The following DOP1B variants were observed in gnomAD, a reference collection of about 807,000 sequenced individuals.
DOP1B encodes DOP1 leucine zipper like protein B, also known as protein DOP1B.
DOP1B carries 174 observed loss-of-function variants against 233.5 expected under a neutral mutation model. The ratio of observed to expected loss-of-function variants is 0.75; its 90% confidence interval spans 0.66 to 0.85. The LOEUF (loss-of-function observed/expected upper bound fraction) is 0.85. DOP1B is among the 40% of genes least tolerant of loss of function. DOP1B has a pLI of 0.00. For missense variants in DOP1B, 2,652 were observed against 2,846.6 expected (o/e 0.93, Z 1.56); for synonymous variants, 1,190 against 1,185.6 (o/e 1.00, Z -0.08).
Position 36,162,927 on chromosome 21 carries a change from A to G in DOP1B, c.-26-1781A>G, listed in dbSNP as rs541343409. ...GATGGGAAACAAGCTCTGGTGCTGG[A>G]GGGGCCAGAGGAGTGTGTGGGCCAA... On this transcript the variant is annotated intron_variant, in intron 1 of 36. Transcript: ENST00000691173. Among the ~76,000 whole-genome samples the G allele has an allele frequency of 4.1e-4, 63 of 152,198 alleles. 2 individuals carry two copies. In the South Asian group the frequency reaches 0.013, roughly 32 times the overall value.
intron 12 of DOP1B, among the ~76,000 whole-genome samples, chr21:36,227,435 T>TGCTCGGGAG (rs2066704324): frequency 6.6e-6 from 1 of 151,008 alleles, no homozygotes; most frequent in East Asian, 2.0e-4. Flanking sequence ...TAGTCCCAGC[T>TGCTCGGGAG]GCTCGGGAGG....
At chr21:36,272,161 A>G (rs1208150537) in intron 27 of DOP1B, among the ~76,000 whole-genome samples, 1 of 151,182 alleles carries the variant, frequency 6.6e-6, no homozygotes, top group African/African-American at 2.4e-5. Flanking sequence ...GTAATGTTCA[A>G]ATATTGTTAT....
intron 1 of DOP1B, among the ~76,000 whole-genome samples, chr21:36,163,878 T>A (rs1326763202): frequency 6.6e-6 from 1 of 152,228 alleles, no homozygotes; most frequent in East Asian, 1.9e-4. Flanking sequence ...CTTTCGTGCA[T>A]GTTTCATGAC....
chr21:36,176,097 C>CGTGTGCGTGTGTGTGTGTGTGTGTGTGT (rs375729449), intron 2 of DOP1B, among the ~76,000 whole-genome samples: 1 of 141,742 alleles, frequency 7.1e-6, no homozygotes, highest in African/African-American at 2.6e-5. Flanking sequence ...GGTGTGTGTG[C>CGTGTGCGTGTGTGTGTGTGTGTGTGTGT]GTGTGTGTGT....
At chr21:36,256,238 C>T (rs772301629) in intron 23 of DOP1B, among the ~76,000 whole-genome samples, 8 of 151,978 alleles carry the variant, frequency 5.3e-5, no homozygotes, top group Non-Finnish European at 1.0e-4. Context: ...TCCAGGAGTT[C>T]GAGACCAGCC....
intron 1 of DOP1B, among the ~76,000 whole-genome samples, chr21:36,164,236 T>A (rs2065889754): frequency 6.6e-6 from 1 of 152,114 alleles, no homozygotes; most frequent in Non-Finnish European, 1.5e-5. Context: ...GAAGGAAGGA[T>A]CACTTGAGCT....
intron 14 of DOP1B, 25 bp from the exon 15 acceptor site, chr21:36,232,779 G>A (rs773691395): frequency 6.2e-7 from 1 of 1,611,178 alleles, no homozygotes; most frequent in Admixed American, 1.7e-5. Context: ...GCTTGTTTCT[G>A]CCTCTCCGGC....
Position 36,245,166 on chromosome 21 carries a change from G to C in DOP1B, c.3186G>C (p.Val1062=), listed in dbSNP as rs1394354460. The C allele has an allele frequency of 6.2e-7, 1 of 1,614,044 alleles. No homozygotes were observed. The highest frequency in any genetic ancestry group is 2.2e-5 in the East Asian group (1 of 44,888). The change falls in exon 19 of 37, where the codon GTG becomes GTC. Residue 1062 remains valine, a synonymous_variant. Coordinates refer to ENST00000691173, the MANE Select transcript of DOP1B (RefSeq NM_001320714.2). This position sits in a 1 kb window ranked among gnomAD's most constrained non-coding sequence, Gnocchi z 5.5. The part of the protein sequence containing the change: ...EHLPLSQFTT[V]DREAIWAEVE... ...TGCCTCTGAGCCAGTTCACCACAGT[G>C]GACCGTGAAGCCATTTGGGCCGAAG...
intron 2 of DOP1B, among the ~76,000 whole-genome samples, chr21:36,185,482 A>G (rs1054107481): frequency 6.6e-6 from 1 of 152,142 alleles, no homozygotes; most frequent in Non-Finnish European, 1.5e-5. Context: ...TTTCAAACCT[A>G]GGATCCTCCA....
chr21:36,225,679 G>A lies in DOP1B; in HGVS notation c.1473+12G>A. ...ATGTCATTCCTTTGGTGAGTGCTGG[G>A]GAAGGGACATCTCAACGCCTGCTAT... On this transcript the variant is annotated intron_variant, in intron 12 of 36. Coordinates refer to ENST00000691173, the MANE Select transcript of DOP1B (RefSeq NM_001320714.2). 4 of 1,613,804 alleles carry A rather than the reference G, an allele frequency of 2.5e-6. No homozygotes were observed. Among genetic ancestry groups the A allele is most frequent in the South Asian group, 1.1e-5 (1 of 91,046 alleles).
At position 36,157,225 on chromosome 21, in the gene DOP1B, G is replaced by A. The variant is rs141526940; in HGVS notation, c.-27+282G>A. On this transcript the variant is annotated intron_variant, in intron 1 of 36. Coordinates refer to ENST00000691173, the MANE Select transcript of DOP1B (RefSeq NM_001320714.2). ...CCTAGGGTTACCCGACCCTGGCGCG[G>A]AGGATATGATGCCGGCCACGCCCTC... is the stretch of plus-strand genomic sequence containing the variant. 6.0e-3 allele frequency among the ~76,000 whole-genome samples: 909 copies of A among 152,080 alleles called. 5 individuals are homozygous for A. The highest frequency in any genetic ancestry group is 9.5e-3 in the Non-Finnish European group (644 of 67,922).
Position 36,226,698 on chromosome 21 carries a change from A to G in DOP1B, c.1474-988A>G, listed in dbSNP as rs563341684. Among the ~76,000 whole-genome samples the G allele has an allele frequency of 3.3e-3, 507 of 152,176 alleles. 3 individuals carry two copies. The highest frequency in any genetic ancestry group is 0.012 in the African/African-American group (492 of 41,534). The stretch of plus-strand genomic sequence containing the variant: ...AGCCTCATCCTCCCAGGCTCAAGCA[A>G]TCCTCCCACCTCAGCCTCCCAAGTG... On this transcript the variant is annotated intron_variant, in intron 12 of 36. Coordinates refer to ENST00000691173, the MANE Select transcript of DOP1B (RefSeq NM_001320714.2).
Position 36,214,072 on chromosome 21 carries a change from C to T in DOP1B, c.905-9C>T, listed in dbSNP as rs758696214. The T allele has an allele frequency of 1.9e-6, 3 of 1,602,520 alleles. No individual in the cohort carries two copies. The highest frequency in any genetic ancestry group is 2.2e-5 in the South Asian group (2 of 89,592). ...CTCTCTTTACAGCTCGGCGCTTGTT[C>T]TTTTGTAGGCTCAGACATAAAAGGA... is the stretch of plus-strand genomic sequence containing the variant. On this transcript the variant is annotated splice_polypyrimidine_tract_variant and intron_variant, in intron 7 of 36. Coordinates refer to ENST00000691173, the MANE Select transcript of DOP1B (RefSeq NM_001320714.2).
At chr21:36,291,176 C>T (rs1190227547) in intron 35 of DOP1B, among the ~76,000 whole-genome samples, 3 of 150,304 alleles carry the variant, frequency 2.0e-5, no homozygotes, top group African/African-American at 7.4e-5. Flanking sequence ...GCAGGAGAAT[C>T]GCTTGAAACC....
chr21:36,273,488 G>A (rs2067314373), intron 27 of DOP1B, among the ~76,000 whole-genome samples: 1 of 152,156 alleles, frequency 6.6e-6, no homozygotes, highest in Admixed American at 6.6e-5. Context: ...GTACTGCGAG[G>A]AAAGTAAGAG....
chr21:36,264,984 T>A (rs2067216079), intron 26 of DOP1B, among the ~76,000 whole-genome samples: 1 of 152,242 alleles, frequency 6.6e-6, no homozygotes, highest in African/African-American at 2.4e-5. Context: ...AGTTGGCTTT[T>A]CTATCACATT....
rs1284534100 is a variant in DOP1B, at chr21:36,248,636, TA to T, written c.4998+69del. 4.8e-6 allele frequency: 7 copies of T among 1,457,278 alleles called. No homozygotes were observed. The East Asian group carries it at 1.6e-4, about 34-fold the overall frequency. 90.3% of individuals were successfully genotyped at this position (1,457,278 alleles called of 1,614,324 possible). A position where few individuals can be genotyped will look rare whatever the true frequency, so the allele number is the denominator to read the frequency against. ...TATTGTTCCACCCAAAATAAATGTGTATAGGAAAGTGTGCATGATAAACAGA... is the reference window on the plus strand; with the variant it reads ...TATTGTTCCACCCAAAATAAATGTGTTAGGAAAGTGTGCATGATAAACAGA... On this transcript the variant is annotated intron_variant, in intron 21 of 36. Transcript: ENST00000691173.
At chr21:36,221,022 G>A (rs2066617178) in intron 10 of DOP1B, among the ~76,000 whole-genome samples, 1 of 151,964 alleles carries the variant, frequency 6.6e-6, no homozygotes, top group Admixed American at 6.6e-5. Context: ...TGTTGCACAG[G>A]CTGGTCTTGA....
rs1555886144 is a variant in DOP1B at position 36,176,097 on chromosome 21, C to CATGTGTGTGTGTGTGTGTGTGTGTGTGT, written c.138+11226_138+11227insATGTGTGTGTGTGTGTGTGTGTGTGTGT. ...GAGCTTCGACTTTGGGGTGTGTGTGCGTGTGTGTGTGTGTGTGTGTGTGTG... is the reference window on the plus strand; with the variant it reads ...GAGCTTCGACTTTGGGGTGTGTGTGCATGTGTGTGTGTGTGTGTGTGTGTGTGTGTGTGTGTGTGTGTGTGTGTGTGTG... On this transcript the variant is annotated intron_variant, in intron 2 of 36. Transcript: ENST00000691173. 3.9e-3 allele frequency among the ~76,000 whole-genome samples: 554 copies of CATGTGTGTGTGTGTGTGTGTGTGTGTGT among 141,832 alleles called. 7 individuals are homozygous for CATGTGTGTGTGTGTGTGTGTGTGTGTGT. The highest frequency in any genetic ancestry group is 0.012 in the East Asian group (59 of 4,766). The allele number at this position is 141,832 out of a possible 152,430, so 93.0% of individuals were successfully genotyped here.
Sources: allele counts gnomAD v4.1 joint callset (sites outside exome capture counted in the v4.1 genomes callset), GRCh38; gene constraint gnomAD v4.1.1; non-coding constraint Gnocchi (gnomAD v3.1); transcripts MANE v1.5; gene names NCBI Gene and HGNC (gene_info 2026-07-23, HGNC 2026-07-21).